Variants in BAIAP2 observed in about 807,000 individuals in gnomAD.
The protein encoded by BAIAP2 is BAR/IMD domain containing adaptor protein 2, also known as BAR/IMD domain-containing adapter protein 2.
In BAIAP2, 18 loss-of-function variants were observed where a neutral mutation model predicts 63.0. The ratio of observed to expected loss-of-function variants is 0.29; its 90% confidence interval spans 0.20 to 0.42. The LOEUF (loss-of-function observed/expected upper bound fraction) is 0.42, where lower values mean the gene tolerates loss of function less well. BAIAP2 is among the 10% of genes least tolerant of loss of function. The pLI is 1.00. For missense variants in BAIAP2, 610 were observed against 734.3 expected (o/e 0.83, Z 1.96); for synonymous variants, 386 against 307.6 (o/e 1.25, Z -2.67).
chr17:81,042,874 TTTTAATTTAA>T (rs1202992494), intron 1 of BAIAP2, among the ~76,000 whole-genome samples: 2 of 148,858 alleles, frequency 1.3e-5, no homozygotes, highest in Non-Finnish European at 3.0e-5. Flanking sequence ...GGGGCTTTTA[TTTTAATTTAA>T]TTTAATTTAA....
intron 3 of BAIAP2, among the ~76,000 whole-genome samples, chr17:81,080,230 G>A (rs1336389346): frequency 6.6e-6 from 1 of 152,216 alleles, no homozygotes; most frequent in Non-Finnish European, 1.5e-5. Context: ...TCATGCTCCC[G>A]GCTGGGGCGC....
At chr17:81,100,316 G>A (rs2058314113) in intron 7 of BAIAP2, among the ~76,000 whole-genome samples, 1 of 152,206 alleles carries the variant, frequency 6.6e-6, no homozygotes, top group Non-Finnish European at 1.5e-5. Flanking sequence ...AGAGTCTGAT[G>A]GGCTTTCAAG....
chr17:81,112,463 C>T (rs763533663), intron 13 of BAIAP2, among the ~76,000 whole-genome samples: 7 of 152,238 alleles, frequency 4.6e-5, no homozygotes, highest in Non-Finnish European at 7.3e-5. Context: ...CCCATTGCCA[C>T]CCTGTCATGC....
intron 2 of BAIAP2, among the ~76,000 whole-genome samples, chr17:81,055,144 G>T (rs940355163): frequency 6.6e-6 from 1 of 152,192 alleles, no homozygotes; most frequent in Non-Finnish European, 1.5e-5. Context: ...TCCAGTTTTG[G>T]TGCCAGGTTA....
chr17:81,093,139 G>A lies in BAIAP2; in HGVS notation c.489+6559G>A, dbSNP rs577129581. On this transcript the variant is annotated intron_variant, in intron 6 of 13. Coordinates refer to ENST00000428708, the MANE Select transcript of BAIAP2 (RefSeq NM_001144888.2). ...CTGGGCTGGGCTGGGCTGTGGGCAC[G>A]AGGACCTGAGTGTGAGGAGGGAGCC... Among the ~76,000 whole-genome samples the A allele has an allele frequency of 2.8e-3, 423 of 151,158 alleles. 2 individuals are homozygous for A. Among genetic ancestry groups the A allele is most frequent in the African/African-American group, 9.8e-3 (399 of 40,920 alleles).
At chr17:81,065,048 C>T (rs906021532) in intron 3 of BAIAP2, among the ~76,000 whole-genome samples, 1 of 152,222 alleles carries the variant, frequency 6.6e-6, no homozygotes, top group African/African-American at 2.4e-5. Flanking sequence ...CCGGGGCACA[C>T]CCACTGCTCT....
chr17:81,051,017 G>C (rs1437241772), intron 1 of BAIAP2, among the ~76,000 whole-genome samples: 2 of 151,768 alleles, frequency 1.3e-5, no homozygotes, highest in African/African-American at 4.8e-5. Context: ...AACTCTTCAG[G>C]CATTGTCTCT....
At chr17:81,113,957 A>AC (rs2060207027) in intron 13 of BAIAP2, among the ~76,000 whole-genome samples, 1 of 91,154 alleles carries the variant, frequency 1.1e-5, no homozygotes, top group African/African-American at 4.1e-5. Context: ...CTGGGAACCC[A>AC]CTTTTTTTTT....
intron 1 of BAIAP2, among the ~76,000 whole-genome samples, chr17:81,040,819 C>T (rs1474324462): frequency 6.6e-6 from 1 of 152,192 alleles, no homozygotes; most frequent in South Asian, 2.1e-4. Flanking sequence ...TGGGGCTGGC[C>T]TAGGCAGGCT....
intron 13 of BAIAP2, chr17:81,110,573 C>T (rs1213141171): frequency 8.5e-7 from 1 of 1,182,826 alleles, no homozygotes; most frequent in African/African-American, 1.6e-5. Flanking sequence ...GGGGGCCCCG[C>T]CTTGTGCCCA....
chr17:81,075,028 C>T (rs1044655847), intron 3 of BAIAP2, among the ~76,000 whole-genome samples: 6 of 152,230 alleles, frequency 3.9e-5, no homozygotes, highest in African/African-American at 9.6e-5. Context: ...ACTGACAGTG[C>T]TTTCTGTCTC....
rs377234248 is a variant in BAIAP2, at chr17:81,106,874, G to A, written c.1467G>A (p.Arg489=). 6.9e-6 allele frequency: 11 copies of A among 1,597,874 alleles called. No individual in the cohort carries two copies. In the African/African-American group the frequency reaches 8.0e-5, roughly 12 times the overall value. The change falls in exon 12 of 14, where the codon AGG becomes AGA. Residue 489 remains arginine (R), a synonymous_variant. Coordinates refer to ENST00000428708, the MANE Select transcript of BAIAP2 (RefSeq NM_001144888.2). ...AGACGGCCAGCGGCTTCAAGCAGAGGCCCTACAGTGTGGCCGTGCCCGCCT... is the reference window on the plus strand; with the variant it reads ...AGACGGCCAGCGGCTTCAAGCAGAGACCCTACAGTGTGGCCGTGCCCGCCT... ...PAQTASGFKQ[R]PYSVAVPAFS...
At chr17:81,057,655 TGTGTTCTTAC>T in intron 2 of BAIAP2, 2 of 1,336,828 alleles carry the variant, frequency 1.5e-6, no homozygotes, top group Non-Finnish European at 1.9e-6. Context: ...ACTGGTACGT[TGTGTTCTTAC>T]GAGTCAAGGG....
intron 3 of BAIAP2, chr17:81,083,465 CG>C (rs2054991453): frequency 6.6e-6 from 1 of 152,320 alleles, no homozygotes; most frequent in Non-Finnish European, 1.5e-5. Flanking sequence ...CAAAGGAGTA[CG>C]GGGGCCGGAC....
chr17:81,073,209 C>G (rs1486055178), intron 3 of BAIAP2, among the ~76,000 whole-genome samples: 2 of 152,206 alleles, frequency 1.3e-5, no homozygotes, highest in East Asian at 3.9e-4. Context: ...ATCGAAGCCT[C>G]CTTCTCGGAC....
chr17:81,111,167 G>A (rs552021440), intron 13 of BAIAP2, among the ~76,000 whole-genome samples: 1 of 152,356 alleles, frequency 6.6e-6, no homozygotes, highest in East Asian at 1.9e-4. Flanking sequence ...CCTCCCGGAA[G>A]CTTGTGGGCT....
At chr17:81,098,218 C>A (rs371202507) in intron 6 of BAIAP2, 1 of 1,315,994 alleles carries the variant, frequency 7.6e-7, no homozygotes, top group Non-Finnish European at 9.8e-7. Context: ...ACAAGCCCTG[C>A]ACCCATGGGC....
At chr17:81,097,768 C>T (rs1392530517) in intron 6 of BAIAP2, 3 of 214,002 alleles carry the variant, frequency 1.4e-5, no homozygotes, top group East Asian at 1.9e-4. Context: ...GAGAAGCTGG[C>T]TCCCTGCTGA....
intron 1 of BAIAP2, among the ~76,000 whole-genome samples, chr17:81,048,797 C>T (rs575336468): frequency 6.6e-6 from 1 of 152,270 alleles, no homozygotes; most frequent in Admixed American, 6.5e-5. Flanking sequence ...TTCCATGCGA[C>T]TCCAGGGCCA....
Sources: allele counts gnomAD v4.1 joint callset (sites outside exome capture counted in the v4.1 genomes callset), GRCh38; gene constraint gnomAD v4.1.1; transcripts MANE v1.5; gene names NCBI Gene and HGNC (gene_info 2026-07-23, HGNC 2026-07-21).